NFATC2: variants seen among roughly 807,000 people sequenced by gnomAD.
NFATC2 encodes nuclear factor of activated T-cells, cytoplasmic 2.
A neutral mutation model predicts 87.3 loss-of-function variants in NFATC2; 22 were observed. The ratio of observed to expected loss-of-function variants is 0.25; its 90% confidence interval spans 0.18 to 0.36. NFATC2 has a LOEUF of 0.36. NFATC2 is among the 10% of genes least tolerant of loss of function. The pLI is 1.00. For synonymous variants in NFATC2, 565 were observed against 542.2 expected (o/e 1.04, Z -0.58); for missense variants, 1,149 against 1,259.1 (o/e 0.91, Z 1.32).
chr20:51,548,559 T>C (rs1568755924), intron 1 of NFATC2, among the ~76,000 whole-genome samples: 2 of 150,080 alleles, frequency 1.3e-5, no homozygotes, highest in African/African-American at 4.8e-5. Flanking sequence ...CTTTTCTTAG[T>C]AGAAGAAGTA....
rs1364810369 is a variant in NFATC2 at position 51,523,956 on chromosome 20, C to G, written c.285G>C (p.Gln95His). 6.3e-7 allele frequency: 1 copy of G among 1,594,058 alleles called. No homozygotes were observed. Among genetic ancestry groups the G allele is most frequent in the African/African-American group, 1.4e-5 (1 of 73,414 alleles). ...RFGEPDRVGP[Q>H]KFLSAAKPAG... Reference sequence around the variant, plus strand: ...CTGGCTTGGCCGCGCTCAGAAACTTCTGCGGCCCTACCCTATCCGGCTCTC... The same window carrying G: ...CTGGCTTGGCCGCGCTCAGAAACTTGTGCGGCCCTACCCTATCCGGCTCTC... Residue 95 changes from glutamine to histidine, a missense_variant, in exon 2 of 11, where the codon CAG (glutamine) becomes CAC (histidine). By Grantham distance (24) the Gln-to-His change is conservative. This residue lies in a region of NFATC2 where 563 missense variants were observed against 585.2 expected (regional missense o/e 0.96). Transcript: ENST00000371564. This position sits in a 1 kb window ranked among gnomAD's most constrained non-coding sequence, Gnocchi z 6.9.
intron 1 of NFATC2, among the ~76,000 whole-genome samples, chr20:51,539,863 G>A (rs2076778514): frequency 6.6e-6 from 1 of 152,146 alleles, no homozygotes; most frequent in Admixed American, 6.5e-5. Flanking sequence ...CAAAGAGTAA[G>A]TGCTTTCCAG....
intron 10 of NFATC2, among the ~76,000 whole-genome samples, chr20:51,392,357 A>T (rs2146198659): frequency 6.6e-6 from 1 of 152,298 alleles, no homozygotes; most frequent in African/African-American, 2.4e-5. Context: ...CCTAGCAGGG[A>T]ACCAAGAGCA....
intron 3 of NFATC2, among the ~76,000 whole-genome samples, chr20:51,479,623 C>A (rs1372250397): frequency 6.6e-6 from 1 of 152,088 alleles, no homozygotes; most frequent in Non-Finnish European, 1.5e-5. Context: ...CTGTCTCAAA[C>A]AAATAAACCA....
chr20:51,426,043 G>A lies in NFATC2; in HGVS notation c.2722+6024C>T, dbSNP rs548013919. Among the ~76,000 whole-genome samples, 82 of 152,310 alleles carry A rather than the reference G, an allele frequency of 5.4e-4. 1 individual carries two copies. The highest frequency in any genetic ancestry group is 1.6e-3 in the African/African-American group (66 of 41,560). ...GCCTTGGGCAGTGCTCTGGGGCTAC[G>A]TCCACTCATCTATCCCATGGAAGAA... On this transcript the variant is annotated intron_variant, in intron 9 of 10. Coordinates refer to ENST00000371564, the MANE Select transcript of NFATC2 (RefSeq NM_012340.5).
intron 1 of NFATC2, among the ~76,000 whole-genome samples, chr20:51,555,589 A>T (rs2076971558): frequency 6.8e-6 from 1 of 146,274 alleles, no homozygotes; most frequent in African/African-American, 2.4e-5. Flanking sequence ...GTGAGACTCC[A>T]TCTCAAAAAA....
intron 10 of NFATC2, among the ~76,000 whole-genome samples, chr20:51,394,241 G>A (rs1335556174): frequency 1.3e-5 from 2 of 152,044 alleles, no homozygotes; most frequent in East Asian, 3.9e-4. Context: ...GAGCCACACT[G>A]GGCTTTAAGT....
intron 5 of NFATC2, among the ~76,000 whole-genome samples, chr20:51,472,926 TTC>T (rs1988367583): frequency 6.6e-6 from 1 of 152,204 alleles, no homozygotes; most frequent in African/African-American, 2.4e-5. Context: ...TTGCCTCTTC[TTC>T]ATGCTTTCTA....
intron 9 of NFATC2, among the ~76,000 whole-genome samples, chr20:51,400,429 T>TCAAA (rs1458929649): frequency 1.6e-5 from 2 of 124,472 alleles, no homozygotes; most frequent in African/African-American, 6.2e-5. Flanking sequence ...CTCCAAACCT[T>TCAAA]CAAACACCAA....
chr20:51,447,805 C>G (rs1985263158), intron 6 of NFATC2, among the ~76,000 whole-genome samples: 1 of 152,174 alleles, frequency 6.6e-6, no homozygotes, highest in Non-Finnish European at 1.5e-5. Flanking sequence ...AGGAAAGACC[C>G]TGATTGTTCT....
At chr20:51,458,865 C>T (rs1228223071) in intron 5 of NFATC2, among the ~76,000 whole-genome samples, 3 of 152,136 alleles carry the variant, frequency 2.0e-5, no homozygotes, top group Non-Finnish European at 4.4e-5. Context: ...CAGGTTTTAT[C>T]TGTGGTACCA....
intron 8 of NFATC2, among the ~76,000 whole-genome samples, chr20:51,433,759 ATGTGTGTGTG>A (rs59775939): frequency 2.1e-5 from 3 of 145,994 alleles, no homozygotes; most frequent in Admixed American, 6.8e-5. Flanking sequence ...TCATGCATGC[ATGTGTGTGTG>A]TGTGTGTGTG....
chr20:51,452,028 C>A (rs897585391), intron 6 of NFATC2, among the ~76,000 whole-genome samples: 17 of 152,326 alleles, frequency 1.1e-4, no homozygotes, highest in African/African-American at 4.1e-4. Context: ...AAAGAACTGT[C>A]TTCCATGCAA....
At chr20:51,513,538 C>T (rs2076304969) in intron 3 of NFATC2, among the ~76,000 whole-genome samples, 1 of 152,198 alleles carries the variant, frequency 6.6e-6, no homozygotes, top group African/African-American at 2.4e-5. Flanking sequence ...GGCAAGAGTC[C>T]TTGGGAGCTA....
chr20:51,420,161 G>A (rs1448214734), intron 9 of NFATC2, among the ~76,000 whole-genome samples: 1 of 152,172 alleles, frequency 6.6e-6, no homozygotes, highest in Non-Finnish European at 1.5e-5. Context: ...TTCTATCATT[G>A]TTGATGAAGG....
At chr20:51,540,657 T>TTTTG (rs773621580) in intron 1 of NFATC2, among the ~76,000 whole-genome samples, 1 of 132,154 alleles carries the variant, frequency 7.6e-6, no homozygotes, top group African/African-American at 3.2e-5. Flanking sequence ...GTTTTTTTTT[T>TTTTG]GTTTTTTTTT....
intron 1 of NFATC2, among the ~76,000 whole-genome samples, chr20:51,533,798 G>A (rs1243334771): frequency 1.3e-5 from 2 of 152,330 alleles, no homozygotes; most frequent in East Asian, 1.9e-4. Context: ...AAAAACACAC[G>A]AACCCACGCG....
At chr20:51,411,516 CTTTTTTTTTTTT>C (rs67935951) in intron 9 of NFATC2, among the ~76,000 whole-genome samples, 40 of 87,248 alleles carry the variant, frequency 4.6e-4, no homozygotes, top group South Asian at 8.9e-4. Context: ...ATGCAATTGT[CTTTTTTTTTTTT>C]TTTTTTTTTT....
chr20:51,489,014 C>T lies in NFATC2; in HGVS notation c.1333-13354G>A, dbSNP rs192240444. ...GACCAGACTGGCCAACATGGCGAAA[C>T]CCCCGTCTCTACTAAACATACAAAA... is the stretch of plus-strand genomic sequence containing the variant. On this transcript the variant is annotated intron_variant, in intron 3 of 10. Transcript: ENST00000371564. Among the ~76,000 whole-genome samples, 86 of 152,226 alleles carry T rather than the reference C, an allele frequency of 5.6e-4. No individual in the cohort carries two copies. In the East Asian group the frequency reaches 0.015, roughly 27 times the overall value.
Sources: gnomAD v4.1 joint callset for allele counts (sites outside exome capture counted in the v4.1 genomes callset) on GRCh38, gnomAD v4.1.1 for gene constraint, gnomAD v4.1.1 regional missense constraint, Gnocchi (gnomAD v3.1) non-coding constraint, MANE v1.5 for transcripts, NCBI Gene and HGNC (gene_info 2026-07-23, HGNC 2026-07-21) for gene names.